Variants in DMRT1 observed in about 807,000 individuals in gnomAD.
DMRT1 encodes the protein doublesex and mab-3 related transcription factor 1, also known as doublesex- and mab-3-related transcription factor 1.
Under a neutral mutation model 32.3 loss-of-function variants are expected in DMRT1, and 7 were observed. The observed-to-expected ratio is 0.22, with a 90% CI of 0.12 to 0.41. DMRT1 has a LOEUF of 0.41. Ranked by LOEUF, DMRT1 falls within the 10% of genes least tolerant of loss-of-function variation. DMRT1 has a pLI of 1.00. For synonymous variants in DMRT1, 278 were observed against 206.1 expected, an observed-to-expected ratio of 1.35 and a Z score of -2.99; for missense variants, 625 against 500.5, an observed-to-expected ratio of 1.25 and a Z score of -2.37.
At chr9:941,084 T>A (rs987213176) in intron 4 of DMRT1, among the ~76,000 whole-genome samples, 2 of 152,190 alleles carry the variant, frequency 1.3e-5, no homozygotes, top group Non-Finnish European at 2.9e-5. Context: ...TTGGTGGGAA[T>A]GTGAAGTGCT....
intron 2 of DMRT1, among the ~76,000 whole-genome samples, chr9:877,282 C>T (rs995393044): frequency 2.0e-5 from 3 of 152,302 alleles, no homozygotes; most frequent in Non-Finnish European, 4.4e-5. Context: ...GATATACATA[C>T]ACTCTGCTGA....
chr9:853,425 G>C (rs1259220324), intron 2 of DMRT1, among the ~76,000 whole-genome samples: 1 of 151,502 alleles, frequency 6.6e-6, no homozygotes, highest in African/African-American at 2.4e-5. Flanking sequence ...AAACATTTTA[G>C]AGTTTTTTGC....
chr9:889,745 CTATT>C (rs2132644575), intron 2 of DMRT1, among the ~76,000 whole-genome samples: 2 of 150,976 alleles, frequency 1.3e-5, no homozygotes, highest in East Asian at 3.9e-4. Context: ...CCTTGGGTTT[CTATT>C]TATTCGTCTG....
chr9:914,322 C>T (rs1159954203), intron 3 of DMRT1, among the ~76,000 whole-genome samples: 1 of 152,010 alleles, frequency 6.6e-6, no homozygotes, highest in Non-Finnish European at 1.5e-5. Context: ...CGCCTGTAAT[C>T]CCAGCACTTT....
intron 4 of DMRT1, among the ~76,000 whole-genome samples, chr9:956,151 A>G (rs546115880): frequency 2.6e-5 from 4 of 152,330 alleles, no homozygotes; most frequent in African/African-American, 9.6e-5. Flanking sequence ...ACGTTATGCT[A>G]AGTAAAATAA....
rs117174341 is a variant in DMRT1, at chr9:908,429, G to C, written c.823-8334G>C. Among the ~76,000 whole-genome samples the C allele has an allele frequency of 7.4e-3, 1,116 of 151,818 alleles. 8 individuals are homozygous for C. Among genetic ancestry groups the C allele is most frequent in the Non-Finnish European group, 0.012 (811 of 67,964 alleles). On this transcript the variant is annotated intron_variant, in intron 3 of 4. Coordinates refer to ENST00000382276, the MANE Select transcript of DMRT1 (RefSeq NM_021951.3). ...GCTGCGATCACACCACTGTACTCCA[G>C]GCTGGGCGACAGAGAGACCCTGTCT... is the stretch of plus-strand genomic sequence containing the variant.
At position 847,264 on chromosome 9, in the gene DMRT1, A is replaced by C. The variant is rs749063711; in HGVS notation, c.538+121A>C. On this transcript the variant is annotated intron_variant, in intron 2 of 4. Coordinates refer to ENST00000382276, the MANE Select transcript of DMRT1 (RefSeq NM_021951.3). ...GTGTTTAGAGCTTAGAGGATTCTGT[A>C]GAGGATTCTCCCTGTGAAGGGCTGT... The C allele has an allele frequency of 1.5e-4, 162 of 1,114,460 alleles. 1 individual carries two copies. Among genetic ancestry groups the C allele is most frequent in the Non-Finnish European group, 2.0e-4 (158 of 791,682 alleles). The allele number at this position is 1,114,460 out of a possible 1,614,324, so 69.0% of individuals were successfully genotyped here.
At chr9:909,039 G>A (rs367668760) in intron 3 of DMRT1, among the ~76,000 whole-genome samples, 5 of 152,210 alleles carry the variant, frequency 3.3e-5, no homozygotes, top group African/African-American at 9.6e-5. Context: ...GTCCTCACAA[G>A]TGCCTGTCTC....
intron 2 of DMRT1, among the ~76,000 whole-genome samples, chr9:858,971 C>G (rs755705618): frequency 4.0e-4 from 60 of 151,750 alleles, no homozygotes; most frequent in Non-Finnish European, 7.9e-4. Context: ...CTGTCACCAC[C>G]ATCCATCTCC....
intron 4 of DMRT1, among the ~76,000 whole-genome samples, chr9:939,347 C>T (rs553891199): frequency 1.3e-5 from 2 of 152,314 alleles, no homozygotes; most frequent in East Asian, 1.9e-4. Context: ...ATCTTAACTC[C>T]CTACCCAGTC....
At chr9:861,436 G>A (rs1329398588) in intron 2 of DMRT1, among the ~76,000 whole-genome samples, 2 of 152,210 alleles carry the variant, frequency 1.3e-5, no homozygotes, top group Non-Finnish European at 2.9e-5. Context: ...TCCTAGTACA[G>A]AACAAAATGG....
chr9:878,627 C>T (rs1346443082), intron 2 of DMRT1, among the ~76,000 whole-genome samples: 1 of 152,080 alleles, frequency 6.6e-6, no homozygotes, highest in Non-Finnish European at 1.5e-5. Flanking sequence ...CAGGTGCAGC[C>T]CAGCCCTCCT....
intron 4 of DMRT1, among the ~76,000 whole-genome samples, chr9:964,472 A>G (rs1426495684): frequency 6.6e-6 from 1 of 152,144 alleles, no homozygotes; most frequent in Admixed American, 6.5e-5. Flanking sequence ...TCATTGTAAC[A>G]CAAAAAAATA....
At chr9:894,315 G>C (rs1817269267) in intron 3 of DMRT1, 120 bp downstream of exon 3, 3 of 1,066,180 alleles carry the variant, frequency 2.8e-6, no homozygotes, top group Non-Finnish European at 4.3e-6. Flanking sequence ...ACACACAGGT[G>C]ACACACACAG....
chr9:933,645 A>C (rs996595127), intron 4 of DMRT1, among the ~76,000 whole-genome samples: 2 of 152,214 alleles, frequency 1.3e-5, no homozygotes, highest in African/African-American at 2.4e-5. Flanking sequence ...ACCAGCACAT[A>C]GGGTTATTTA....
chr9:849,495 A>G (rs1274583152), intron 2 of DMRT1, among the ~76,000 whole-genome samples: 3 of 152,222 alleles, frequency 2.0e-5, no homozygotes, highest in Admixed American at 2.0e-4. Flanking sequence ...TATAAACCCT[A>G]AGATAGTGGA....
At chr9:921,232 A>C (rs1196923912) in intron 4 of DMRT1, among the ~76,000 whole-genome samples, 1 of 152,130 alleles carries the variant, frequency 6.6e-6, no homozygotes, top group Admixed American at 6.5e-5. Flanking sequence ...TCTGGAATGG[A>C]ATCTCATAAT....
chr9:890,932 G>T (rs112378079), intron 2 of DMRT1, among the ~76,000 whole-genome samples: 4,626 of 151,456 alleles, frequency 0.031, 88 homozygotes, highest in African/African-American at 0.051. Context: ...GTTTCACCAT[G>T]TTGGTCAGGC....
At chr9:895,801 CT>C (rs1187539144) in intron 3 of DMRT1, among the ~76,000 whole-genome samples, 6,753 of 121,986 alleles carry the variant, frequency 0.055, 125 homozygotes, top group African/African-American at 0.14. Context: ...ATAACTGAAA[CT>C]TTTTTTTTTT....
Sources: gnomAD v4.1 joint callset for allele counts (sites outside exome capture counted in the v4.1 genomes callset) on GRCh38, gnomAD v4.1.1 for gene constraint, MANE v1.5 for transcripts, NCBI Gene and HGNC (gene_info 2026-07-23, HGNC 2026-07-21) for gene names.